PREX1: variants seen among roughly 807,000 people sequenced by gnomAD.
The protein encoded by PREX1 is phosphatidylinositol-3,4,5-trisphosphate dependent Rac exchange factor 1.
In PREX1, 41 loss-of-function variants were observed where a neutral mutation model predicts 198.3. That is an observed-to-expected ratio of 0.21 (90% confidence interval 0.16 to 0.27). The LOEUF is 0.27. Among genes scored for constraint, PREX1 ranks in the 10% least tolerant of loss-of-function variants. The pLI is 1.00. For missense variants in PREX1, 1,620 were observed against 2,200.7 expected (o/e 0.74, Z 5.28); for synonymous variants, 843 against 887.2 (o/e 0.95, Z 0.89).
At chr20:48,834,713 C>T in the PREX1 span, among the ~76,000 whole-genome samples, 1 of 152,304 alleles carries the variant, frequency 6.6e-6, no homozygotes, top group African/African-American at 2.4e-5. Flanking sequence ...GCATATGCCA[C>T]CAGAACTGGC....
At chr20:48,693,779 T>G (rs2089831794) in intron 7 of PREX1, among the ~76,000 whole-genome samples, 1 of 151,654 alleles carries the variant, frequency 6.6e-6, no homozygotes, top group East Asian at 1.9e-4. Context: ...AGCTAATTTT[T>G]TTATATTTTT....
chr20:48,864,735 C>T, the PREX1 span, among the ~76,000 whole-genome samples: 1 of 152,172 alleles, frequency 6.6e-6, no homozygotes, highest in Non-Finnish European at 1.5e-5. Context: ...CCTTCTTACG[C>T]CTTTGTGTCG....
chr20:48,753,508 C>A (rs971425556), intron 1 of PREX1, among the ~76,000 whole-genome samples: 1 of 152,064 alleles, frequency 6.6e-6, no homozygotes, highest in Non-Finnish European at 1.5e-5. Context: ...CTGCGAAACA[C>A]CCTACAGTGC....
intron 1 of PREX1, among the ~76,000 whole-genome samples, chr20:48,793,799 T>C (rs1206308520): frequency 6.6e-6 from 1 of 152,240 alleles, no homozygotes; most frequent in Non-Finnish European, 1.5e-5. Flanking sequence ...TACTTATTCA[T>C]ATGTAAGGGT....
rs540113110 is a variant in PREX1 at position 48,657,124 on chromosome 20, G to A, written c.2039C>T (p.Pro680Leu). ...GAGGATGGACTCCACCTCTGAAAACGGCCGCAGGAACACCAGGTCCTCATT... is the reference window on the plus strand; with the variant it reads ...GAGGATGGACTCCACCTCTGAAAACAGCCGCAGGAACACCAGGTCCTCATT... ...SINEDLVFLR[P>L]FSEVESILNQ... The change falls in exon 18 of 40, where the codon CCG (proline) becomes CTG (leucine). Residue 680 changes from proline (P) to leucine (L), a missense_variant. Physicochemically the swap from Pro to Leu is moderately conservative, Grantham distance 98 (BLOSUM62 -3). Coordinates refer to ENST00000371941, the MANE Select transcript of PREX1 (RefSeq NM_020820.4). 1.4e-5 allele frequency: 22 copies of A among 1,612,660 alleles called. No individual in the cohort carries two copies. The highest frequency in any genetic ancestry group is 6.7e-5 in the Admixed American group (4 of 59,848).
chr20:48,883,474 T>G, the PREX1 span, among the ~76,000 whole-genome samples: 5,964 of 152,164 alleles, frequency 0.039, 224 homozygotes, highest in African/African-American at 0.089. Context: ...CTTTCAGATG[T>G]CTTGATCCTG....
At chr20:48,792,690 C>A (rs902526365) in intron 1 of PREX1, among the ~76,000 whole-genome samples, 3 of 151,666 alleles carry the variant, frequency 2.0e-5, no homozygotes, top group African/African-American at 7.3e-5. Context: ...CCCAAATGTC[C>A]ATCAGCTAAT....
intron 1 of PREX1, among the ~76,000 whole-genome samples, chr20:48,804,899 G>A (rs2090404893): frequency 1.3e-5 from 2 of 152,224 alleles, no homozygotes; most frequent in African/African-American, 4.8e-5. Flanking sequence ...AGGAGTGGCG[G>A]GGAGGAGGCA....
chr20:48,627,826 G>A, intron 38 of PREX1, 35 bp downstream of exon 38: 5 of 1,587,522 alleles, frequency 3.1e-6, no homozygotes, highest in Non-Finnish European at 4.3e-6. Flanking sequence ...CCTCAGCCCA[G>A]GGTGCTGGAG....
At chr20:48,778,910 GAAGAA>G in intron 1 of PREX1, among the ~76,000 whole-genome samples, 1 of 152,118 alleles carries the variant, frequency 6.6e-6, no homozygotes, top group East Asian at 1.9e-4. Context: ...TAAAACTTTA[GAAGAA>G]AACAGGAGAA....
chr20:48,652,077 T>C (rs1000929605), intron 21 of PREX1, among the ~76,000 whole-genome samples: 3 of 152,184 alleles, frequency 2.0e-5, no homozygotes, highest in Non-Finnish European at 4.4e-5. Context: ...AACTGTGTGT[T>C]GTTTAAGCTG....
At chr20:48,759,564 A>AAG (rs1310918656) in intron 1 of PREX1, among the ~76,000 whole-genome samples, 1,911 of 150,820 alleles carry the variant, frequency 0.013, 30 homozygotes, top group Middle Eastern at 0.024. Flanking sequence ...AAAAAAAAAA[A>AAG]AAAAGAAAAG....
chr20:48,881,764 C>G, the PREX1 span, among the ~76,000 whole-genome samples: 3 of 152,316 alleles, frequency 2.0e-5, no homozygotes, highest in East Asian at 5.8e-4. Flanking sequence ...GGATTACAGG[C>G]GTAAGCCACA....
At position 48,806,706 on chromosome 20, in the gene PREX1, T is replaced by C. The variant is rs1279071060; in HGVS notation, c.219+20936A>G. The stretch of plus-strand genomic sequence containing the variant: ...TAACATACCAGCGCCTCTCAGACTT[T>C]GGGCTTTCAGATTGGTAAGTTCCCT... On this transcript the variant is annotated intron_variant, in intron 1 of 39. Coordinates refer to ENST00000371941, the MANE Select transcript of PREX1 (RefSeq NM_020820.4). Among the ~76,000 whole-genome samples, 8 of 152,310 alleles carry C rather than the reference T, an allele frequency of 5.3e-5. No individual in the cohort carries two copies. In the Middle Eastern group the frequency reaches 0.01, roughly 194 times the overall value.
At chr20:48,862,342 T>G in the PREX1 span, among the ~76,000 whole-genome samples, 3 of 152,184 alleles carry the variant, frequency 2.0e-5, no homozygotes, top group Non-Finnish European at 4.4e-5. Flanking sequence ...CTCACCATAA[T>G]TTGATACTAA....
the PREX1 span, among the ~76,000 whole-genome samples, chr20:48,878,593 C>T: frequency 2.0e-5 from 3 of 152,208 alleles, no homozygotes; most frequent in Non-Finnish European, 2.9e-5. Flanking sequence ...CCGCCTCAGC[C>T]TCCCAAAGTG....
At chr20:48,670,052 G>A (rs146028484) in intron 14 of PREX1, among the ~76,000 whole-genome samples, 1 of 152,180 alleles carries the variant, frequency 6.6e-6, no homozygotes, top group African/African-American at 2.4e-5. Flanking sequence ...AACCCCACTC[G>A]ACAGAGGAGG....
At chr20:48,733,690 C>CTGTTGTTGTTGTTGCTGTTGT (rs1568843544) in intron 4 of PREX1, among the ~76,000 whole-genome samples, 1 of 71,020 alleles carries the variant, frequency 1.4e-5, no homozygotes. Context: ...GTAAATCCCT[C>CTGTTGTTGTTGTTGCTGTTGT]TGTTGTTGTT....
chr20:48,660,218 T>C lies in PREX1; in HGVS notation c.1739-157A>G, dbSNP rs986656957. 2.6e-5 allele frequency among the ~76,000 whole-genome samples: 4 copies of C among 152,368 alleles called. No individual in the cohort carries two copies. In the South Asian group the frequency reaches 8.3e-4, roughly 32 times the overall value. ...ATGGAATCATATGCCAACACTAACA[T>C]ATTAGGATATTTCACAAAGCGATCT... On this transcript the variant is annotated intron_variant, in intron 15 of 39. Transcript: ENST00000371941.
Sources: gnomAD v4.1 joint callset for allele counts (sites outside exome capture counted in the v4.1 genomes callset) on GRCh38, gnomAD v4.1.1 for gene constraint, MANE v1.5 for transcripts, NCBI Gene and HGNC (gene_info 2026-07-23, HGNC 2026-07-21) for gene names.